SCLT1: variants seen among roughly 807,000 people sequenced by gnomAD.
SCLT1 encodes sodium channel and clathrin linker 1.
A neutral mutation model predicts 112.8 loss-of-function variants in SCLT1; 78 were observed. That is an observed-to-expected ratio of 0.69 (90% CI 0.58 to 0.83). The LOEUF (loss-of-function observed/expected upper bound fraction) is 0.83, where lower values mean the gene tolerates loss of function less well. SCLT1 is among the 40% of genes least tolerant of loss of function. SCLT1 has a pLI of 0.00. For synonymous variants in SCLT1, 257 were observed against 254.7 expected (o/e 1.01, Z -0.09); for missense variants, 747 against 770.4 (o/e 0.97, Z 0.36).
At chr4:129,092,853 G>A (rs752651449) in intron 1 of SCLT1, among the ~76,000 whole-genome samples, 2 of 152,196 alleles carry the variant, frequency 1.3e-5, no homozygotes, top group Non-Finnish European at 2.9e-5. Flanking sequence ...TTAGCGTCTA[G>A]TAGAATTCTG....
intron 18 of SCLT1, among the ~76,000 whole-genome samples, chr4:128,930,952 G>T (rs763051177): frequency 2.6e-5 from 4 of 152,092 alleles, no homozygotes; most frequent in Non-Finnish European, 5.9e-5. Flanking sequence ...TTTGAAGCTT[G>T]TGAGTACATA....
At chr4:129,029,138 A>G (rs1424677020) in intron 5 of SCLT1, among the ~76,000 whole-genome samples, 4 of 152,136 alleles carry the variant, frequency 2.6e-5, no homozygotes, top group Non-Finnish European at 5.9e-5. Flanking sequence ...AGGGATCTAG[A>G]ACTAGAAATA....
intron 8 of SCLT1, among the ~76,000 whole-genome samples, chr4:128,995,724 G>C (rs1742959566): frequency 6.6e-6 from 1 of 151,972 alleles, no homozygotes; most frequent in Non-Finnish European, 1.5e-5. Flanking sequence ...GCATGTATCA[G>C]CCCAATCTGC....
chr4:128,903,472 CATA>C (rs1427284512), intron 18 of SCLT1, among the ~76,000 whole-genome samples: 3 of 151,934 alleles, frequency 2.0e-5, no homozygotes, highest in Admixed American at 6.6e-5. Flanking sequence ...TTATAGAAAA[CATA>C]GTAGTTAGAA....
chr4:128,915,240 C>T (rs957070743), intron 18 of SCLT1, among the ~76,000 whole-genome samples: 2 of 152,154 alleles, frequency 1.3e-5, no homozygotes, highest in African/African-American at 4.8e-5. Flanking sequence ...ACATACATGC[C>T]CAGTTCACAG....
At chr4:128,950,596 A>G (rs757835397) in intron 14 of SCLT1, among the ~76,000 whole-genome samples, 1 of 152,158 alleles carries the variant, frequency 6.6e-6, no homozygotes, top group African/African-American at 2.4e-5. Flanking sequence ...GTATTTCCAA[A>G]ATAATACTCT....
At chr4:128,900,231 C>G (rs1290888315) in intron 18 of SCLT1, among the ~76,000 whole-genome samples, 2 of 152,140 alleles carry the variant, frequency 1.3e-5, no homozygotes, top group East Asian at 3.9e-4. Flanking sequence ...CAATCCTAAG[C>G]CAAAAGAACA....
chr4:128,883,598 G>C (rs1732700310), downstream of SCLT1, among the ~76,000 whole-genome samples: 2 of 152,086 alleles, frequency 1.3e-5, no homozygotes, highest in African/African-American at 4.8e-5. Flanking sequence ...TTAACTGTTA[G>C]CACCATTACT....
At chr4:128,935,531 TCA>T (rs1408401469) in intron 18 of SCLT1, among the ~76,000 whole-genome samples, 1 of 152,222 alleles carries the variant, frequency 6.6e-6, no homozygotes, top group East Asian at 1.9e-4. Flanking sequence ...TCCTTTGGCC[TCA>T]GTTTGGCTAT....
At chr4:129,058,511 T>C (rs1303163788) in intron 2 of SCLT1, among the ~76,000 whole-genome samples, 1 of 152,190 alleles carries the variant, frequency 6.6e-6, no homozygotes, top group South Asian at 2.1e-4. Context: ...TCCATGTATA[T>C]GTACAGTTTC....
chr4:128,916,613 T>C (rs910568588), intron 18 of SCLT1, among the ~76,000 whole-genome samples: 2 of 152,184 alleles, frequency 1.3e-5, no homozygotes, highest in Non-Finnish European at 2.9e-5. Flanking sequence ...GAAACATAGT[T>C]AAAAATTACG....
At position 128,972,661 on chromosome 4, in the gene SCLT1, G is replaced by C. The variant is rs560229761; in HGVS notation, c.687-2193C>G. ...TTCCTTATTTCAATCTAATTGGCCTGAGTCTATTTCTAAGTTGTCTTTCAA... is the reference window on the plus strand; with the variant it reads ...TTCCTTATTTCAATCTAATTGGCCTCAGTCTATTTCTAAGTTGTCTTTCAA... On this transcript the variant is annotated intron_variant, in intron 9 of 20. Coordinates refer to ENST00000281142, the MANE Select transcript of SCLT1 (RefSeq NM_144643.4). 4.6e-5 allele frequency among the ~76,000 whole-genome samples: 7 copies of C among 152,172 alleles called. No homozygotes were observed. The South Asian group carries it at 1.2e-3, about 27-fold the overall frequency.
chr4:129,061,297 C>T (rs914306040), intron 2 of SCLT1, among the ~76,000 whole-genome samples: 2 of 152,076 alleles, frequency 1.3e-5, no homozygotes, highest in African/African-American at 2.4e-5. Flanking sequence ...AATAGCCCAA[C>T]AATTAATCCA....
chr4:129,051,793 T>C (rs1461283357), intron 2 of SCLT1, among the ~76,000 whole-genome samples: 1 of 152,200 alleles, frequency 6.6e-6, no homozygotes, highest in African/African-American at 2.4e-5. Flanking sequence ...AGGGCATCCT[T>C]GTCACGTGTC....
At chr4:128,929,992 T>G (rs1240370127) in intron 18 of SCLT1, among the ~76,000 whole-genome samples, 1 of 152,102 alleles carries the variant, frequency 6.6e-6, no homozygotes, top group African/African-American at 2.4e-5. Flanking sequence ...TGTACACAAG[T>G]AAAATACACA....
At chr4:128,883,407 G>A (rs1382148786), downstream of SCLT1, among the ~76,000 whole-genome samples, 1 of 151,964 alleles carries the variant, frequency 6.6e-6, no homozygotes, top group Non-Finnish European at 1.5e-5. Context: ...GGCCTGTCGA[G>A]GGGTGAAAGG....
In SCLT1 at chr4:128,952,082, G is replaced by A. The variant is rs114996934; in HGVS notation, c.1218+687C>T. Among the ~76,000 whole-genome samples the A allele has an allele frequency of 5.7e-3, 875 of 152,208 alleles. 6 individuals are homozygous for A. The highest frequency in any genetic ancestry group is 0.034 in the Middle Eastern group (10 of 294). ...AGATGCTTACAATCTAATTGCAGAG[G>A]TAAGATTTTCATGGAGAGAGACAGA... On this transcript the variant is annotated intron_variant, in intron 14 of 20. Transcript: ENST00000281142.
At chr4:129,035,218 A>AT (rs1237600780) in intron 5 of SCLT1, among the ~76,000 whole-genome samples, 8 of 152,146 alleles carry the variant, frequency 5.3e-5, no homozygotes, top group Admixed American at 2.0e-4. Flanking sequence ...TCATGTGCTG[A>AT]TATCTACAAT....
intron 17 of SCLT1, 89 bp downstream of exon 17, chr4:128,942,907 G>A (rs1737824760): frequency 1.1e-6 from 1 of 872,734 alleles, no homozygotes; most frequent in Non-Finnish European, 1.8e-6. Context: ...AAAAAAAGGG[G>A]GCCTTAAAGA....
Sources: gnomAD v4.1 joint callset for allele counts (sites outside exome capture counted in the v4.1 genomes callset) on GRCh38, gnomAD v4.1.1 for gene constraint, MANE v1.5 for transcripts, NCBI Gene and HGNC (gene_info 2026-07-23, HGNC 2026-07-21) for gene names.